NR6A1: variants seen among roughly 807,000 people sequenced by gnomAD.
The protein encoded by NR6A1 is retinoic acid receptor-related testis-associated receptor.
Under a neutral mutation model 59.1 loss-of-function variants are expected in NR6A1, and 7 were observed. The observed-to-expected ratio is 0.12, with a 90% CI of 0.07 to 0.22. The LOEUF is 0.22. Among genes scored for constraint, NR6A1 ranks in the 10% least tolerant of loss-of-function variants. NR6A1 has a pLI of 1.00. For missense variants in NR6A1, 468 were observed against 611.6 expected, an observed-to-expected ratio of 0.77 and a Z score of 2.48; for synonymous variants, 243 against 236.1, an observed-to-expected ratio of 1.03 and a Z score of -0.27.
intron 3 of NR6A1, among the ~76,000 whole-genome samples, chr9:124,545,311 C>T (rs1833565973): frequency 6.6e-6 from 1 of 152,198 alleles, no homozygotes; most frequent in Non-Finnish European, 1.5e-5. Context: ...AAAGTAAGCA[C>T]TTAGTAACTA....
intron 1 of NR6A1, among the ~76,000 whole-genome samples, chr9:124,763,016 G>A (rs1358539127): frequency 6.6e-6 from 1 of 152,188 alleles, no homozygotes. Context: ...AATGCCCAAG[G>A]CTGAATCAAG....
intron 2 of NR6A1, among the ~76,000 whole-genome samples, chr9:124,566,313 G>C (rs1343545376): frequency 6.6e-6 from 1 of 152,210 alleles, no homozygotes; most frequent in Non-Finnish European, 1.5e-5. Context: ...TCTGTATCTT[G>C]ACGTGGGCGG....
At chr9:124,629,143 G>C (rs1836346684) in intron 2 of NR6A1, among the ~76,000 whole-genome samples, 1 of 152,132 alleles carries the variant, frequency 6.6e-6, no homozygotes, top group African/African-American at 2.4e-5. Context: ...AGTGAATGGA[G>C]TTAAAAAGGG....
At chr9:124,643,611 A>AG (rs982587084) in intron 2 of NR6A1, among the ~76,000 whole-genome samples, 1 of 151,476 alleles carries the variant, frequency 6.6e-6, no homozygotes, top group Non-Finnish European at 1.5e-5. Flanking sequence ...AAAAAAAAAA[A>AG]AAAAAGCCAG....
intron 3 of NR6A1, among the ~76,000 whole-genome samples, chr9:124,550,511 C>T (rs986134075): frequency 4.0e-5 from 6 of 151,190 alleles, no homozygotes; most frequent in African/African-American, 7.3e-5. Context: ...CATGCCACCG[C>T]GCCAGCTAAT....
intron 8 of NR6A1, among the ~76,000 whole-genome samples, chr9:124,526,453 A>C (rs1832941247): frequency 6.6e-6 from 1 of 152,142 alleles, no homozygotes; most frequent in Admixed American, 6.5e-5. Context: ...ATTTAAAATG[A>C]CGCATGTACT....
intron 2 of NR6A1, among the ~76,000 whole-genome samples, chr9:124,582,650 G>A (rs1335151659): frequency 1.3e-5 from 2 of 152,110 alleles, no homozygotes; most frequent in East Asian, 1.9e-4. Context: ...ACTTTGGGAG[G>A]CCAAGGTGGA....
intron 1 of NR6A1, among the ~76,000 whole-genome samples, chr9:124,767,345 T>C (rs1021162544): frequency 6.6e-6 from 1 of 152,098 alleles, no homozygotes; most frequent in Non-Finnish European, 1.5e-5. Flanking sequence ...TGTCATCATA[T>C]TTTGGTTACA....
intron 2 of NR6A1, among the ~76,000 whole-genome samples, chr9:124,624,912 GTTTTTTT>G (rs71492418): frequency 3.0e-5 from 4 of 134,854 alleles, no homozygotes; most frequent in Non-Finnish European, 4.8e-5. Flanking sequence ...TTGCTAGCTT[GTTTTTTT>G]TTTTTTTTTT....
At chr9:124,706,507 G>A (rs549115630) in intron 2 of NR6A1, among the ~76,000 whole-genome samples, 1 of 151,886 alleles carries the variant, frequency 6.6e-6, no homozygotes, top group African/African-American at 2.4e-5. Context: ...GCTAGATACA[G>A]AACATTTAAC....
At chr9:124,738,906 G>A (rs896323739) in intron 1 of NR6A1, among the ~76,000 whole-genome samples, 1 of 151,792 alleles carries the variant, frequency 6.6e-6, no homozygotes, top group Admixed American at 6.6e-5. Context: ...GGGGGCTGAG[G>A]CAAGAGAATC....
At chr9:124,737,877 A>C (rs1213518296) in intron 1 of NR6A1, among the ~76,000 whole-genome samples, 1 of 152,044 alleles carries the variant, frequency 6.6e-6, no homozygotes, top group African/African-American at 2.4e-5. Context: ...AAACCAAAAA[A>C]AAGAGGCTGG....
chr9:124,637,660 G>A (rs1836648854), intron 2 of NR6A1, among the ~76,000 whole-genome samples: 2 of 152,128 alleles, frequency 1.3e-5, no homozygotes, highest in African/African-American at 4.8e-5. Flanking sequence ...GAAGGTCAAA[G>A]CGGGCAGATC....
intron 1 of NR6A1, among the ~76,000 whole-genome samples, chr9:124,763,398 G>A (rs1314135870): frequency 2.6e-5 from 4 of 152,156 alleles, no homozygotes; most frequent in Non-Finnish European, 5.9e-5. Context: ...CAGTAAAAAA[G>A]GCAAATGATG....
chr9:124,768,371 A>G (rs1300044353), intron 1 of NR6A1, among the ~76,000 whole-genome samples: 1 of 152,254 alleles, frequency 6.6e-6, no homozygotes, highest in African/African-American at 2.4e-5. Context: ...GCAAAAAAGA[A>G]AAAATGTGCC....
intron 1 of NR6A1, among the ~76,000 whole-genome samples, chr9:124,738,743 A>C (rs1368923658): frequency 1.3e-5 from 2 of 151,886 alleles, no homozygotes; most frequent in Non-Finnish European, 2.9e-5. Flanking sequence ...AGCGGCTCAC[A>C]CCTGTAATCC....
At chr9:124,585,406 T>C (rs1174098530) in intron 2 of NR6A1, among the ~76,000 whole-genome samples, 1 of 152,010 alleles carries the variant, frequency 6.6e-6, no homozygotes, top group Non-Finnish European at 1.5e-5. Context: ...TAGCCAGGTA[T>C]GGTGGCAGGC....
At chr9:124,565,552 A>G (rs1834215317) in intron 2 of NR6A1, among the ~76,000 whole-genome samples, 1 of 152,266 alleles carries the variant, frequency 6.6e-6, no homozygotes, top group Admixed American at 6.5e-5. Context: ...AAGGCAAGCC[A>G]CAGCATGGGA....
At chr9:124,599,243 G>C in intron 2 of NR6A1, 1 of 438,588 alleles carries the variant, frequency 2.3e-6, no homozygotes, top group Non-Finnish European at 4.3e-6. Flanking sequence ...AGGAGTTTGA[G>C]ACCAGTCTCG....
Sources: allele counts gnomAD v4.1 joint callset (sites outside exome capture counted in the v4.1 genomes callset), GRCh38; gene constraint gnomAD v4.1.1; transcripts MANE v1.5; gene names NCBI Gene and HGNC (gene_info 2026-07-23, HGNC 2026-07-21).